Variants in FOXP1 observed in about 807,000 individuals in gnomAD.
FOXP1 encodes the protein forkhead box P1, also known as forkhead box protein P1.
A neutral mutation model predicts 98.2 loss-of-function variants in FOXP1; 15 were observed. The observed-to-expected ratio is 0.15, with a 90% CI of 0.10 to 0.24. The LOEUF is 0.24. Ranked by LOEUF, FOXP1 falls within the 10% of genes least tolerant of loss-of-function variation. The pLI is 1.00. For missense variants in FOXP1, 633 were observed against 848.5 expected, an observed-to-expected ratio of 0.75 and a Z score of 3.15; for synonymous variants, 371 against 314.5, an observed-to-expected ratio of 1.18 and a Z score of -1.90.
At chr3:71,280,380 G>T (rs1407904574) in intron 5 of FOXP1, among the ~76,000 whole-genome samples, 29 of 150,720 alleles carry the variant, frequency 1.9e-4, no homozygotes, top group African/African-American at 6.1e-4. Context: ...GAGTGCAGTG[G>T]TGCGATCTCA....
chr3:71,192,226 C>A (rs911023264), intron 6 of FOXP1, among the ~76,000 whole-genome samples: 4 of 152,162 alleles, frequency 2.6e-5, no homozygotes. Context: ...AGTTCATAAG[C>A]CACCTTTTTC....
chr3:71,240,693 C>CACT (rs2067193194), intron 5 of FOXP1, among the ~76,000 whole-genome samples: 1 of 151,560 alleles, frequency 6.6e-6, no homozygotes, highest in Non-Finnish European at 1.5e-5. Flanking sequence ...AGGCGCGTGC[C>CACT]ACCATGCCCG....
chr3:71,566,865 T>C (rs1430026975), intron 2 of FOXP1, among the ~76,000 whole-genome samples: 1 of 152,154 alleles, frequency 6.6e-6, no homozygotes, highest in Non-Finnish European at 1.5e-5. Flanking sequence ...GCCTGGGCCC[T>C]GGGTGCTCCT....
chr3:71,006,720 A>C (rs1428575214), intron 12 of FOXP1, among the ~76,000 whole-genome samples: 3 of 152,176 alleles, frequency 2.0e-5, no homozygotes, highest in Admixed American at 6.6e-5. Flanking sequence ...GGCTCTTAAA[A>C]TATAAGAACA....
intron 19 of FOXP1, chr3:70,968,398 C>T (rs1241374918): frequency 7.0e-6 from 1 of 143,064 alleles, no homozygotes; most frequent in Non-Finnish European, 1.5e-5. Flanking sequence ...TTGATGTCCA[C>T]TTAGAAGCAG....
At chr3:71,056,001 G>A (rs963548063) in intron 7 of FOXP1, among the ~76,000 whole-genome samples, 2 of 152,110 alleles carry the variant, frequency 1.3e-5, no homozygotes, top group Admixed American at 1.3e-4. Context: ...CCTGGTCATC[G>A]TTTTTAAAAG....
intron 3 of FOXP1, among the ~76,000 whole-genome samples, chr3:71,444,419 A>T (rs1308935210): frequency 6.6e-6 from 1 of 151,580 alleles, no homozygotes; most frequent in Admixed American, 6.6e-5. Flanking sequence ...GTGGGGACAG[A>T]ACTTCCTGCA....
At chr3:71,237,473 T>C (rs1166446599) in intron 5 of FOXP1, among the ~76,000 whole-genome samples, 1 of 152,102 alleles carries the variant, frequency 6.6e-6, no homozygotes, top group Non-Finnish European at 1.5e-5. Context: ...GTAGCTACCA[T>C]AGCAGACAGT....
At position 71,402,087 on chromosome 3, in the gene FOXP1, T is replaced by C. The variant is rs542048233; in HGVS notation, c.-167-42843A>G. ...AAGAAACCTTAGTGAGTGCGGTTTA[T>C]TGTCCTAATTCTACTTCCAGGTATT... On this transcript the variant is annotated intron_variant, in intron 3 of 20. Transcript: ENST00000649528. Among the ~76,000 whole-genome samples, 83 of 152,368 alleles carry C rather than the reference T, an allele frequency of 5.4e-4. 2 individuals are homozygous for C. Among genetic ancestry groups the C allele is most frequent in the Admixed American group, 5.0e-3 (77 of 15,306 alleles).
chr3:71,003,203 G>C (rs1328500037), intron 12 of FOXP1, among the ~76,000 whole-genome samples: 1 of 152,148 alleles, frequency 6.6e-6, no homozygotes, highest in Non-Finnish European at 1.5e-5. Flanking sequence ...AAAAAGCAAG[G>C]CCTTCACTTA....
rs760123203 is a variant in FOXP1, at chr3:71,062,121, GT to G, written c.283-8349del. Among the ~76,000 whole-genome samples, 12 of 152,168 alleles carry G rather than the reference GT, an allele frequency of 7.9e-5. 1 individual carries two copies. The highest frequency in any genetic ancestry group is 7.7e-4 in the East Asian group (4 of 5,176). The stretch of plus-strand genomic sequence containing the variant: ...GCAAGGCAGTGACGGTGAGGGTTTT[GT>G]TTTTTAAGGTACATTAAACTACAAA... On this transcript the variant is annotated intron_variant, in intron 7 of 20. Coordinates refer to ENST00000649528, the MANE Select transcript of FOXP1 (RefSeq NM_001349338.3).
intron 2 of FOXP1, chr3:71,574,084 C>T (rs979830986): frequency 6.6e-6 from 1 of 152,200 alleles, no homozygotes; most frequent in Non-Finnish European, 1.5e-5. Context: ...AGACACTCTA[C>T]TTTTAAAATT....
chr3:71,581,465 G>T (rs937549200), intron 2 of FOXP1, 84 bp downstream of exon 2: 1 of 985,492 alleles, frequency 1.0e-6, no homozygotes, highest in African/African-American at 1.7e-5. Flanking sequence ...ACCCCGGCTG[G>T]CTCTTTGGGG....
intron 5 of FOXP1, among the ~76,000 whole-genome samples, chr3:71,273,668 T>C (rs374194978): frequency 2.0e-5 from 3 of 152,172 alleles, no homozygotes; most frequent in South Asian, 2.1e-4. Flanking sequence ...GACTGCTTGA[T>C]AATAGGGCAC....
intron 5 of FOXP1, among the ~76,000 whole-genome samples, chr3:71,261,963 T>G (rs972574905): frequency 1.1e-4 from 17 of 152,096 alleles, no homozygotes; most frequent in African/African-American, 4.1e-4. Context: ...ATTTGTTTGC[T>G]GAACAAATAT....
Position 71,583,694 on chromosome 3 carries a change from G to A in FOXP1, c.-570C>T. Reference sequence around the variant, plus strand: ...CTCGCGCACACACGCGCGCACACACGCACTCCCGGGCGAGGGCCGGGCCGC... The same window carrying A: ...CTCGCGCACACACGCGCGCACACACACACTCCCGGGCGAGGGCCGGGCCGC... On this transcript the variant is annotated 5_prime_UTR_variant, in exon 1 of 21. Transcript: ENST00000649528. 4 of 984,616 alleles carry A rather than the reference G, an allele frequency of 4.1e-6. No homozygotes were observed. The highest frequency in any genetic ancestry group is 4.8e-6 in the Non-Finnish European group (4 of 829,830). The allele number at this position is 984,616 out of a possible 1,614,324, so 61.0% of individuals were successfully genotyped here. A position where few individuals can be genotyped will look rare whatever the true frequency, so the allele number is the denominator to read the frequency against.
intron 2 of FOXP1, among the ~76,000 whole-genome samples, chr3:71,504,091 G>A (rs1025880332): frequency 1.2e-4 from 19 of 152,034 alleles, no homozygotes; most frequent in Admixed American, 6.6e-4. Context: ...TGAGCTTCTC[G>A]GAACCTGAGT....
At chr3:71,369,176 T>C (rs4452296) in intron 3 of FOXP1, among the ~76,000 whole-genome samples, 72,954 of 151,664 alleles carry the variant, frequency 0.48, 20,101 homozygotes, top group East Asian at 0.77. Flanking sequence ...AATCAGAAGG[T>C]CAGGCGTTCG....
At chr3:71,411,163 G>C (rs2082697372) in intron 3 of FOXP1, among the ~76,000 whole-genome samples, 1 of 152,078 alleles carries the variant, frequency 6.6e-6, no homozygotes, top group Non-Finnish European at 1.5e-5. Context: ...CAATATATAG[G>C]ACGTCTACAA....
Sources: allele counts gnomAD v4.1 joint callset (sites outside exome capture counted in the v4.1 genomes callset), GRCh38; gene constraint gnomAD v4.1.1; transcripts MANE v1.5; gene names NCBI Gene and HGNC (gene_info 2026-07-23, HGNC 2026-07-21).